Variants in TMEM156 observed in about 807,000 individuals in gnomAD.
TMEM156 encodes transmembrane protein 156.
In TMEM156, 28 loss-of-function variants were observed where a neutral mutation model predicts 30.5. The observed-to-expected ratio is 0.92, with a 90% CI of 0.68 to 1.26. The LOEUF is 1.26. TMEM156 is among the 50% of genes most tolerant of loss of function. The pLI, the probability that TMEM156 is intolerant of heterozygous loss-of-function variation, is 0.00. For synonymous variants in TMEM156, 137 were observed against 119.9 expected (o/e 1.14, Z -0.93); for missense variants, 351 against 340.6 (o/e 1.03, Z -0.24).
intron 1 of TMEM156, among the ~76,000 whole-genome samples, chr4:39,031,662 G>T (rs1377164308): frequency 6.6e-6 from 1 of 151,936 alleles, no homozygotes; most frequent in Non-Finnish European, 1.5e-5. Flanking sequence ...GAGGTGGGTG[G>T]ATCACAAGGT....
chr4:38,971,259 C>A, intron 5 of TMEM156, 122 bp from the exon 6 acceptor site: 1 of 830,072 alleles, frequency 1.2e-6, no homozygotes, highest in South Asian at 1.7e-5. Flanking sequence ...GATTTTGGGA[C>A]TTTCTACCCT....
chr4:38,971,904 C>G (rs1056762966), intron 5 of TMEM156, among the ~76,000 whole-genome samples: 29 of 151,996 alleles, frequency 1.9e-4, no homozygotes, highest in Admixed American at 1.6e-3. Context: ...ATTCTCCTGC[C>G]TCAGCCTCCC....
At chr4:39,014,455 T>C (rs2435530) in intron 1 of TMEM156, among the ~76,000 whole-genome samples, 106,622 of 151,972 alleles carry the variant, frequency 0.7, 37,780 homozygotes, top group South Asian at 0.84. Flanking sequence ...TTTTGTCACA[T>C]CCCTATGCAA....
At chr4:38,974,574 C>A (rs1238619658) in intron 5 of TMEM156, among the ~76,000 whole-genome samples, 2 of 152,048 alleles carry the variant, frequency 1.3e-5, no homozygotes, top group African/African-American at 4.8e-5. Flanking sequence ...CTATTTCTTC[C>A]ATGACAATTT....
chr4:38,996,596 AC>A (rs942504243), intron 2 of TMEM156, among the ~76,000 whole-genome samples: 6 of 152,188 alleles, frequency 3.9e-5, no homozygotes, highest in East Asian at 1.9e-4. Flanking sequence ...AGAAAAAAAA[AC>A]ATAAGCGTTG....
intron 5 of TMEM156, among the ~76,000 whole-genome samples, chr4:38,972,945 G>A (rs189806733): frequency 6.6e-6 from 1 of 152,094 alleles, no homozygotes; most frequent in Non-Finnish European, 1.5e-5. Context: ...AATTTGATGA[G>A]TCTCTTCTCT....
chr4:38,974,589 T>C (rs1241268191), intron 5 of TMEM156, among the ~76,000 whole-genome samples: 1 of 152,192 alleles, frequency 6.6e-6, no homozygotes, highest in Non-Finnish European at 1.5e-5. Flanking sequence ...CAATTTAGAT[T>C]TTCTAATTCT....
At chr4:38,996,291 G>A (rs993210680) in intron 2 of TMEM156, among the ~76,000 whole-genome samples, 2 of 151,160 alleles carry the variant, frequency 1.3e-5, no homozygotes, top group African/African-American at 4.9e-5. Context: ...AGGTGCAGTG[G>A]CTCACACCTG....
At chr4:38,986,683 C>T (rs1360657092) in intron 4 of TMEM156, among the ~76,000 whole-genome samples, 2 of 151,210 alleles carry the variant, frequency 1.3e-5, no homozygotes, top group African/African-American at 4.9e-5. Context: ...TGGTGCATGC[C>T]TGTAGTCCCA....
intron 1 of TMEM156, among the ~76,000 whole-genome samples, chr4:39,017,300 G>T (rs981369567): frequency 7.0e-6 from 1 of 142,884 alleles, no homozygotes; most frequent in Admixed American, 7.4e-5. Context: ...TCAGCCTCCC[G>T]AGTAGCTGGG....
chr4:39,029,524 C>T lies in TMEM156; in HGVS notation c.88+2702G>A, dbSNP rs1234250186. The stretch of plus-strand genomic sequence containing the variant: ...GGTCAGGAGATCGAGACCATCCTGG[C>T]TAACACGGTGAAACCCCGTCTCTAC... On this transcript the variant is annotated intron_variant, in intron 1 of 6. Coordinates refer to ENST00000381938, the MANE Select transcript of TMEM156 (RefSeq NM_024943.3). Among the ~76,000 whole-genome samples the T allele has an allele frequency of 9.2e-3, 123 of 13,312 alleles. 54 individuals are homozygous for T. Among genetic ancestry groups the T allele is most frequent in the Admixed American group, 0.091 (109 of 1,194 alleles). The allele number at this position is 13,312 out of a possible 152,430, so 8.7% of individuals were successfully genotyped here. A position where few individuals can be genotyped will look rare whatever the true frequency, so the allele number is the denominator to read the frequency against.
At chr4:38,993,362 G>T (rs1238447333) in intron 3 of TMEM156, among the ~76,000 whole-genome samples, 2 of 151,958 alleles carry the variant, frequency 1.3e-5, no homozygotes, top group Admixed American at 6.6e-5. Context: ...GCCCGGGGAA[G>T]TCAAGGCTGC....
chr4:38,982,274 G>C (rs1449792668), intron 5 of TMEM156, among the ~76,000 whole-genome samples: 1 of 152,168 alleles, frequency 6.6e-6, no homozygotes. Context: ...TCAGCTTGCA[G>C]ATGGCCTATT....
intron 4 of TMEM156, among the ~76,000 whole-genome samples, chr4:38,987,209 A>G (rs544516376): frequency 6.6e-6 from 1 of 152,370 alleles, no homozygotes; most frequent in South Asian, 2.1e-4. Context: ...ACTTTAAATA[A>G]TAGAATTTTC....
intron 5 of TMEM156, among the ~76,000 whole-genome samples, chr4:38,977,535 C>T (rs1722921235): frequency 6.6e-6 from 1 of 152,162 alleles, no homozygotes; most frequent in African/African-American, 2.4e-5. Flanking sequence ...ATTTTAATGC[C>T]TTCTTCAGAA....
rs756700425 is a variant in TMEM156, at chr4:38,998,604, G to C, written c.358+36C>G. 6.4e-6 allele frequency: 10 copies of C among 1,551,314 alleles called. No individual in the cohort carries two copies. The South Asian group carries it at 1.1e-4, about 17-fold the overall frequency. On this transcript the variant is annotated intron_variant, in intron 2 of 6. Transcript: ENST00000381938. ...TAACAGAATAAATTAATTTATACCTGATACCATTTTATTCTCACCTTCACT... is the reference window on the plus strand; with the variant it reads ...TAACAGAATAAATTAATTTATACCTCATACCATTTTATTCTCACCTTCACT...
At chr4:39,021,386 C>A (rs1377207288) in intron 1 of TMEM156, among the ~76,000 whole-genome samples, 2 of 123,082 alleles carry the variant, frequency 1.6e-5, no homozygotes, top group East Asian at 2.4e-4. Flanking sequence ...CATAGTGAGA[C>A]CTTGTCTCAA....
chr4:39,021,265 G>A lies in TMEM156; in HGVS notation c.88+10961C>T, dbSNP rs138113646. ...AAAAAAAATTTAAAAATTAGCCAGT[G>A]TGGTGACCCACACTTGCAGTCTTAG... On this transcript the variant is annotated intron_variant, in intron 1 of 6. Coordinates refer to ENST00000381938, the MANE Select transcript of TMEM156 (RefSeq NM_024943.3). 6.0e-3 allele frequency among the ~76,000 whole-genome samples: 918 copies of A among 151,926 alleles called. 3 individuals are homozygous for A. The highest frequency in any genetic ancestry group is 9.5e-3 in the Non-Finnish European group (644 of 67,976).
Position 38,998,810 on chromosome 4 carries a change from G to T in TMEM156, c.188C>A (p.Pro63Gln). 1 of 1,613,860 alleles carries T rather than the reference G, an allele frequency of 6.2e-7. No homozygotes were observed. Residue 63 changes from proline to glutamine, a missense_variant, in exon 2 of 7, where the codon CCA (proline) becomes CAA (glutamine). Pro to Gln is a moderately conservative substitution (Grantham distance 76). Coordinates refer to ENST00000381938, the MANE Select transcript of TMEM156 (RefSeq NM_024943.3). The stretch of plus-strand genomic sequence containing the variant: ...CATGATAATCTGAGTTTCCCTTACT[G>T]GTTGCAGAAAAGTCACAAAAGAAAA... ...LNFSFVTFLQPVRETQIIMRI... is the reference protein window; with the variant it reads ...LNFSFVTFLQQVRETQIIMRI...
Sources: allele counts gnomAD v4.1 joint callset (sites outside exome capture counted in the v4.1 genomes callset), GRCh38; gene constraint gnomAD v4.1.1; transcripts MANE v1.5; gene names NCBI Gene and HGNC (gene_info 2026-07-23, HGNC 2026-07-21).